Variants in CTNNA3 observed in about 807,000 individuals in gnomAD.
CTNNA3 encodes the protein catenin alpha-3.
CTNNA3 carries 76 observed loss-of-function variants against 95.7 expected under a neutral mutation model. That is an observed-to-expected ratio of 0.79 (90% CI 0.66 to 0.96). The LOEUF (loss-of-function observed/expected upper bound fraction) is 0.96, where lower values mean the gene tolerates loss of function less well. Ranked by LOEUF, CTNNA3 falls within the 40% of genes least tolerant of loss-of-function variation. CTNNA3 has a pLI of 0.00. For synonymous variants in CTNNA3, 431 were observed against 374.4 expected (o/e 1.15, Z -1.74); for missense variants, 1,191 against 1,089.8 (o/e 1.09, Z -1.31).
intron 7 of CTNNA3, chr10:67,054,676 A>G (rs993019369): frequency 1.3e-5 from 2 of 152,094 alleles, no homozygotes; most frequent in African/African-American, 4.8e-5. Flanking sequence ...AAAGTGGGAG[A>G]GGCACTAAGA....
chr10:67,558,558 G>A (rs1377726487), intron 3 of CTNNA3, among the ~76,000 whole-genome samples: 5 of 152,234 alleles, frequency 3.3e-5, no homozygotes, highest in African/African-American at 1.2e-4. Flanking sequence ...CAGCGTGAGC[G>A]ACGCAGAAGA....
chr10:67,299,436 G>A (rs1202448750), intron 5 of CTNNA3, among the ~76,000 whole-genome samples: 1 of 152,058 alleles, frequency 6.6e-6, no homozygotes, highest in Admixed American at 6.5e-5. Flanking sequence ...AAATACTATG[G>A]TGGCATTTAG....
chr10:66,597,511 C>CATAT (rs369390875), intron 10 of CTNNA3, among the ~76,000 whole-genome samples: 2,921 of 70,470 alleles, frequency 0.041, 83 homozygotes, highest in Non-Finnish European at 0.056. Flanking sequence ...TTATTTCATA[C>CATAT]ATATATATAT....
At chr10:67,339,206 A>G (rs1471290679) in intron 5 of CTNNA3, among the ~76,000 whole-genome samples, 1 of 152,178 alleles carries the variant, frequency 6.6e-6, no homozygotes, top group African/African-American at 2.4e-5. Flanking sequence ...CTGAGCAAAG[A>G]AAGCAAAATC....
intron 11 of CTNNA3, among the ~76,000 whole-genome samples, chr10:66,476,229 G>A (rs981842913): frequency 1.3e-5 from 2 of 152,046 alleles, no homozygotes; most frequent in Admixed American, 6.6e-5. Context: ...GGGATGTGGG[G>A]AGGGAGAGCA....
chr10:67,633,183 G>A (rs974417965), intron 2 of CTNNA3, among the ~76,000 whole-genome samples: 2 of 152,056 alleles, frequency 1.3e-5, no homozygotes, highest in African/African-American at 4.8e-5. Context: ...CTCCCTGTGG[G>A]GGTTTCAGCC....
At chr10:66,195,206 T>C (rs1564750682) in intron 13 of CTNNA3, among the ~76,000 whole-genome samples, 1 of 152,056 alleles carries the variant, frequency 6.6e-6, no homozygotes, top group African/African-American at 2.4e-5. Context: ...TCCCTGTATC[T>C]TTTTTGTTTA....
chr10:67,624,388 G>A (rs1843955913), intron 2 of CTNNA3, among the ~76,000 whole-genome samples: 1 of 152,064 alleles, frequency 6.6e-6, no homozygotes, highest in Non-Finnish European at 1.5e-5. Flanking sequence ...TGTTCTCCAA[G>A]TCCACTGAAT....
chr10:66,954,396 A>G (rs538171601), intron 7 of CTNNA3, among the ~76,000 whole-genome samples: 2 of 152,244 alleles, frequency 1.3e-5, no homozygotes, highest in African/African-American at 4.8e-5. Flanking sequence ...GCAGAGGAGA[A>G]ATAAAAACGC....
In CTNNA3 at chr10:66,768,382, G is replaced by A. The variant is rs1774752838; in HGVS notation, c.1129-1966C>T. Among the ~76,000 whole-genome samples, 4 of 152,088 alleles carry A rather than the reference G, an allele frequency of 2.6e-5. No individual in the cohort carries two copies. In the South Asian group the frequency reaches 8.3e-4, roughly 32 times the overall value. On this transcript the variant is annotated intron_variant, in intron 8 of 17. Transcript: ENST00000433211. ...CATATAGAGTGAGGAGACCCACAGA[G>A]GACCTCTTAGGAAACACTATCATTT...
chr10:67,561,051 A>T (rs1841491175), intron 3 of CTNNA3, among the ~76,000 whole-genome samples: 2 of 147,960 alleles, frequency 1.4e-5, no homozygotes, highest in Admixed American at 1.3e-4. Context: ...AGACTTAAAC[A>T]CCCCACTGTC....
chr10:66,637,408 C>T (rs140731354), intron 9 of CTNNA3, among the ~76,000 whole-genome samples: 2 of 152,340 alleles, frequency 1.3e-5, no homozygotes, highest in East Asian at 3.9e-4. Context: ...ACCAGCCAGG[C>T]CTGGATTCTC....
At chr10:67,317,431 CT>C (rs11318586) in intron 5 of CTNNA3, among the ~76,000 whole-genome samples, 99,334 of 130,940 alleles carry the variant, frequency 0.76, 40,991 homozygotes, top group East Asian at 0.92. Context: ...TCTCATTGTT[CT>C]TTTTTTTTTT....
At chr10:67,017,752 T>TGCGC (rs1491269527) in intron 7 of CTNNA3, among the ~76,000 whole-genome samples, 1 of 145,848 alleles carries the variant, frequency 6.9e-6, no homozygotes, top group African/African-American at 2.6e-5. Context: ...TGTGTGTGTG[T>TGCGC]GCGCGCGTAC....
At chr10:66,486,005 T>G (rs1335695412) in intron 11 of CTNNA3, among the ~76,000 whole-genome samples, 1 of 152,152 alleles carries the variant, frequency 6.6e-6, no homozygotes, top group African/African-American at 2.4e-5. Context: ...CAAATGGCAC[T>G]GATAAAACTG....
intron 5 of CTNNA3, among the ~76,000 whole-genome samples, chr10:67,443,187 G>T (rs1261152549): frequency 6.6e-6 from 1 of 150,580 alleles, no homozygotes; most frequent in African/African-American, 2.4e-5. Flanking sequence ...TCTTAATCCA[G>T]TCTATCGTTG....
chr10:66,115,576 AGAT>A (rs755343312), intron 13 of CTNNA3, among the ~76,000 whole-genome samples: 74 of 132,806 alleles, frequency 5.6e-4, no homozygotes, highest in African/African-American at 1.9e-3. Flanking sequence ...ATAGACAGAT[AGAT>A]GATAGATAGA....
intron 9 of CTNNA3, among the ~76,000 whole-genome samples, chr10:66,633,752 T>C (rs1845238564): frequency 6.6e-6 from 1 of 152,126 alleles, no homozygotes; most frequent in Middle Eastern, 3.2e-3. Flanking sequence ...ATTCCTACTG[T>C]TAATTTGAGT....
At chr10:65,997,077 C>T (rs942958417) in intron 15 of CTNNA3, among the ~76,000 whole-genome samples, 1 of 152,072 alleles carries the variant, frequency 6.6e-6, no homozygotes, top group Middle Eastern at 3.4e-3. Flanking sequence ...ATGGAAAGTC[C>T]AAGCCTAAGA....
Sources: allele counts gnomAD v4.1 joint callset (sites outside exome capture counted in the v4.1 genomes callset), GRCh38; gene constraint gnomAD v4.1.1; transcripts MANE v1.5; gene names NCBI Gene and HGNC (gene_info 2026-07-23, HGNC 2026-07-21).